The following EP300 variants were observed in gnomAD, a reference collection of about 807,000 sequenced individuals.
EP300 encodes the protein EP300 lysine acetyltransferase.
In EP300, 31 loss-of-function variants were observed where a neutral mutation model predicts 264.0. That is an observed-to-expected ratio of 0.12 (90% CI 0.09 to 0.16). The LOEUF (loss-of-function observed/expected upper bound fraction) is 0.16. Ranked by LOEUF, EP300 falls within the 10% of genes least tolerant of loss-of-function variation. The pLI, the probability that EP300 is intolerant of heterozygous loss-of-function variation, is 1.00. For missense variants in EP300, 2,766 were observed against 3,052.9 expected, an observed-to-expected ratio of 0.91 and a Z score of 2.21; for synonymous variants, 1,340 against 1,045.4, an observed-to-expected ratio of 1.28 and a Z score of -5.44.
At chr22:41,097,202 T>C (rs957834203) in intron 1 of EP300, among the ~76,000 whole-genome samples, 1 of 152,228 alleles carries the variant, frequency 6.6e-6, no homozygotes, top group Non-Finnish European at 1.5e-5. Flanking sequence ...AGTTCATTTA[T>C]AGGACTTCAA....
chr22:41,104,524 A>T (rs2058747841), intron 1 of EP300, among the ~76,000 whole-genome samples: 1 of 152,040 alleles, frequency 6.6e-6, no homozygotes, highest in South Asian at 2.1e-4. Context: ...TCCTGACCTC[A>T]GGCGATCCGC....
At chr22:41,163,531 A>G (rs2145755804) in intron 21 of EP300, among the ~76,000 whole-genome samples, 1 of 151,740 alleles carries the variant, frequency 6.6e-6, no homozygotes. Context: ...AGGATCACCC[A>G]AGGTCAAGAG....
chr22:41,167,826 G>GTTTTTTTTTTTTTTTTTTTTTTTTTT (rs1192332279), intron 23 of EP300, among the ~76,000 whole-genome samples: 10 of 32,182 alleles, frequency 3.1e-4, no homozygotes, highest in African/African-American at 4.4e-4. Flanking sequence ...TTTTTTTTTT[G>GTTTTTTTTTTTTTTTTTTTTTTTTTT]TTTTTTTTTT....
chr22:41,152,171 TTTGGAATACTAAAAATTCTTACG>T lies in EP300; in HGVS notation c.2998-32_2998-10del. 1 of 1,610,296 alleles carries T rather than the reference TTTGGAATACTAAAAATTCTTACG, an allele frequency of 6.2e-7. No individual in the cohort carries two copies. The highest frequency in any genetic ancestry group is 8.5e-7 in the Non-Finnish European group (1 of 1,176,634). On this transcript the variant is annotated splice_polypyrimidine_tract_variant and intron_variant, in intron 15 of 30. Coordinates refer to ENST00000263253, the MANE Select transcript of EP300 (RefSeq NM_001429.4). Reference sequence around the variant, plus strand: ...GATTACTGATTCCCAACTAGATATCTTTGGAATACTAAAAATTCTTACGTTTTCTTTTAGTCTAAAGTGGAAGA... The same window carrying T: ...GATTACTGATTCCCAACTAGATATCTTTTTCTTTTAGTCTAAAGTGGAAGA...
At chr22:41,175,073 A>C (rs2059192504) in intron 29 of EP300, among the ~76,000 whole-genome samples, 1 of 152,200 alleles carries the variant, frequency 6.6e-6, no homozygotes, top group African/African-American at 2.4e-5. Flanking sequence ...AATGATTATT[A>C]ACAATTAATA....
intron 2 of EP300, among the ~76,000 whole-genome samples, chr22:41,121,726 T>TG (rs2145702306): frequency 6.6e-6 from 1 of 152,264 alleles, no homozygotes; most frequent in South Asian, 2.1e-4. Context: ...CCAGATTGTT[T>TG]GGGGAAATAT....
At chr22:41,167,814 G>GGGT (rs71328778) in intron 23 of EP300, among the ~76,000 whole-genome samples, 2 of 66,228 alleles carry the variant, frequency 3.0e-5, no homozygotes, top group African/African-American at 1.3e-4. Context: ...GTTTGTTTTT[G>GGGT]TTTTTTTTTT....
At chr22:41,140,110 T>C in intron 8 of EP300, 30 bp from the exon 9 acceptor site, 1 of 1,450,502 alleles carries the variant, frequency 6.9e-7, no homozygotes, top group Non-Finnish European at 9.7e-7. Flanking sequence ...GCTGACATGA[T>C]ATTACAGTGG....
At chr22:41,161,571 T>C (rs757377979) in intron 20 of EP300, among the ~76,000 whole-genome samples, 7 of 152,150 alleles carry the variant, frequency 4.6e-5, no homozygotes, top group African/African-American at 7.2e-5. Flanking sequence ...GAGCTGAGAT[T>C]GGGCCACTGC....
At chr22:41,095,531 G>A (rs766370960) in intron 1 of EP300, among the ~76,000 whole-genome samples, 40 of 151,380 alleles carry the variant, frequency 2.6e-4, no homozygotes, top group Admixed American at 2.4e-3. Context: ...CCGGCCAGAG[G>A]TACCATTATA....
At chr22:41,160,324 T>A in intron 19 of EP300, 1 of 370,782 alleles carries the variant, frequency 2.7e-6, no homozygotes, top group Non-Finnish European at 5.1e-6. Flanking sequence ...CTTGCTTTTA[T>A]GTTTTTTGTT....
chr22:41,110,542 C>G (rs2058784101), intron 1 of EP300, among the ~76,000 whole-genome samples: 1 of 151,872 alleles, frequency 6.6e-6, no homozygotes, highest in South Asian at 2.1e-4. Flanking sequence ...ATCCACCCGC[C>G]TCGGCCTCCC....
At position 41,117,603 on chromosome 22, in the gene EP300, G is replaced by T; in HGVS notation, c.511G>T (p.Ala171Ser). The change falls in exon 2 of 31, where the codon GCG becomes TCG. Residue 171 changes from alanine to serine, a missense_variant. Physicochemically the swap from Ala to Ser is moderately conservative, Grantham distance 99. Transcript: ENST00000263253. ...PAMGMNTGMN[A>S]GMNPGMLAAG... ...CATGGGAATGAACACAGGGATGAAT[G>T]CGGGCATGAATCCTGGAATGTTGGC... is the stretch of plus-strand genomic sequence containing the variant. 6.2e-7 allele frequency: 1 copy of T among 1,614,232 alleles called. No individual in the cohort carries two copies. Among genetic ancestry groups the T allele is most frequent in the Non-Finnish European group, 8.5e-7 (1 of 1,180,040 alleles).
Position 41,151,973 on chromosome 22 carries a change from A to G in EP300, c.2958A>G (p.Gln986=). 6.2e-7 allele frequency: 1 copy of G among 1,614,220 alleles called. No homozygotes were observed. The change falls in exon 15 of 31, where the codon CAA becomes CAG. Residue 986 remains glutamine (Q), a synonymous_variant. Transcript: ENST00000263253. ...VKMEAKMEVD[Q]PEPADTQPED... ...TGGAGGCCAAAATGGAAGTGGATCA[A>G]CCAGAACCAGCAGATACTCAGCCGG...
At chr22:41,148,143 A>G (rs2059023115) in intron 12 of EP300, among the ~76,000 whole-genome samples, 197 bp downstream of exon 12, 1 of 152,164 alleles carries the variant, frequency 6.6e-6, no homozygotes, top group Non-Finnish European at 1.5e-5. Context: ...CTGGAGTGTC[A>G]GTGTTTAGTG....
rs575977458 is a variant in EP300, at chr22:41,148,995, A to G, written c.2242-43A>G. The G allele has an allele frequency of 3.7e-6, 6 of 1,611,866 alleles. No individual in the cohort carries two copies. In the African/African-American group the frequency reaches 4.0e-5, roughly 11 times the overall value. On this transcript the variant is annotated intron_variant, in intron 12 of 30. Transcript: ENST00000263253. The stretch of plus-strand genomic sequence containing the variant: ...TGATTTTAGTTATAGTAGAATAACT[A>G]TAATGAAGCAGTTTGGTGATTTGTG...
In EP300 at chr22:41,170,391, T is replaced by C. The variant is rs1222214696; in HGVS notation, c.4287-15T>C. The C allele has an allele frequency of 1.9e-6, 3 of 1,611,272 alleles. No homozygotes were observed. The highest frequency in any genetic ancestry group is 2.5e-6 in the Non-Finnish European group (3 of 1,177,394). Reference sequence around the variant, plus strand: ...TATCTCTTTTCCTTAATGTTCTTTCTCTTTGTATTGTTAGTTACACAACAG... The same window carrying C: ...TATCTCTTTTCCTTAATGTTCTTTCCCTTTGTATTGTTAGTTACACAACAG... On this transcript the variant is annotated splice_polypyrimidine_tract_variant and intron_variant, in intron 26 of 30. Transcript: ENST00000263253.
intron 2 of EP300, among the ~76,000 whole-genome samples, chr22:41,118,188 G>A (rs1318494306): frequency 6.6e-6 from 1 of 152,050 alleles, no homozygotes; most frequent in African/African-American, 2.4e-5. Flanking sequence ...CTATTGCTTT[G>A]AATGTCCCTG....
intron 1 of EP300, among the ~76,000 whole-genome samples, chr22:41,100,763 G>C (rs1477536273): frequency 6.6e-6 from 1 of 152,090 alleles, no homozygotes; most frequent in African/African-American, 2.4e-5. Flanking sequence ...TCAGGGACTG[G>C]AGCATCCTCA....
Sources: allele counts gnomAD v4.1 joint callset (sites outside exome capture counted in the v4.1 genomes callset), GRCh38; gene constraint gnomAD v4.1.1; transcripts MANE v1.5; gene names NCBI Gene and HGNC (gene_info 2026-07-23, HGNC 2026-07-21).